CDC73: variants seen among roughly 807,000 people sequenced by gnomAD.
The protein encoded by CDC73 is parafibromin.
A neutral mutation model predicts 83.7 loss-of-function variants in CDC73; 21 were observed. That is an observed-to-expected ratio of 0.25 (90% CI 0.18 to 0.36). CDC73 has a LOEUF of 0.36. CDC73 is among the 10% of genes least tolerant of loss of function. CDC73 has a pLI of 1.00. For missense variants in CDC73, 342 were observed against 653.3 expected, an observed-to-expected ratio of 0.52 and a Z score of 5.19; for synonymous variants, 224 against 212.9, an observed-to-expected ratio of 1.05 and a Z score of -0.45.
In CDC73 at chr1:193,141,901, A is replaced by G; in HGVS notation, c.564A>G (p.Lys188=). The G allele has an allele frequency of 6.2e-7, 1 of 1,613,868 alleles. No homozygotes were observed. The highest frequency in any genetic ancestry group is 8.5e-7 in the Non-Finnish European group (1 of 1,179,822). The change falls in exon 7 of 17, where the codon AAA becomes AAG. Residue 188 remains lysine, a synonymous_variant. Transcript: ENST00000367435. ...AAAAAATTGCTGCAATCAAAGCCAA[A>G]ATTATGGCTAAGAAAAGATCTACTA... is the stretch of plus-strand genomic sequence containing the variant. The part of the protein sequence containing the change: ...SVEKIAAIKA[K]IMAKKRSTIK...
chr1:193,228,256 A>G (rs1362332574), intron 13 of CDC73, among the ~76,000 whole-genome samples: 1 of 152,220 alleles, frequency 6.6e-6, no homozygotes, highest in African/African-American at 2.4e-5. Flanking sequence ...GCACATGCAC[A>G]AAATAGTGAT....
At chr1:193,230,075 A>G (rs1448083443) in intron 13 of CDC73, among the ~76,000 whole-genome samples, 1 of 152,172 alleles carries the variant, frequency 6.6e-6, no homozygotes, top group Non-Finnish European at 1.5e-5. Flanking sequence ...AAAATACACT[A>G]AAATGAAGCA....
At chr1:193,229,423 A>T (rs966647574) in intron 13 of CDC73, among the ~76,000 whole-genome samples, 4 of 152,252 alleles carry the variant, frequency 2.6e-5, no homozygotes, top group Admixed American at 2.0e-4. Context: ...TGCCCTCACA[A>T]ATAGGATAAG....
intron 10 of CDC73, among the ~76,000 whole-genome samples, chr1:193,164,064 CCCA>C (rs1203787843): frequency 6.6e-6 from 1 of 152,196 alleles, no homozygotes; most frequent in Admixed American, 6.5e-5. Context: ...AGCCACCATG[CCCA>C]GCCCAGTATA....
intron 13 of CDC73, among the ~76,000 whole-genome samples, chr1:193,217,245 A>G (rs1677383913): frequency 1.3e-5 from 2 of 152,012 alleles, no homozygotes; most frequent in Admixed American, 6.5e-5. Context: ...CTGAAGCCCC[A>G]GTGGACGTGT....
chr1:193,184,429 C>G (rs1437271138), intron 10 of CDC73, among the ~76,000 whole-genome samples: 1 of 151,884 alleles, frequency 6.6e-6, no homozygotes, highest in African/African-American at 2.4e-5. Context: ...TAGTTCTGCA[C>G]TTTTACATTT....
chr1:193,221,561 G>A (rs1677470136), intron 13 of CDC73, among the ~76,000 whole-genome samples: 1 of 152,034 alleles, frequency 6.6e-6, no homozygotes, highest in South Asian at 2.1e-4. Context: ...TTAAAAAAAA[G>A]AAATTGTCTT....
intron 10 of CDC73, among the ~76,000 whole-genome samples, chr1:193,185,462 C>T (rs1186993198): frequency 6.6e-6 from 1 of 151,680 alleles, no homozygotes; most frequent in South Asian, 2.1e-4. Flanking sequence ...TTTGTTGATA[C>T]TCTCTTTGGT....
At chr1:193,195,770 G>GT (rs1676992644) in intron 10 of CDC73, among the ~76,000 whole-genome samples, 1 of 152,138 alleles carries the variant, frequency 6.6e-6, no homozygotes, top group Admixed American at 6.5e-5. Context: ...GATGTCTGGT[G>GT]TATTTTCATG....
At chr1:193,130,279 G>C in intron 3 of CDC73, 36 bp downstream of exon 3, 1 of 1,228,070 alleles carries the variant, frequency 8.1e-7, no homozygotes. Flanking sequence ...GTCTTAAACA[G>C]ACATTGTTTC....
At chr1:193,150,224 T>G in intron 8 of CDC73, 80 bp from the exon 9 acceptor site, 10 of 1,005,850 alleles carry the variant, frequency 9.9e-6, no homozygotes, top group Non-Finnish European at 1.6e-5. Flanking sequence ...TGAGCCATGG[T>G]CATGCTACTG....
rs1678042290 is a variant in CDC73 at position 193,251,501 on chromosome 1, G to A, written c.*789G>A. 1 of 232,052 alleles carries A rather than the reference G, an allele frequency of 4.3e-6. No homozygotes were observed. Among genetic ancestry groups the A allele is most frequent in the Non-Finnish European group, 8.5e-6 (1 of 117,028 alleles). The allele number at this position is 232,052 out of a possible 1,614,324, so 14.4% of individuals were successfully genotyped here. ...AAGAATATGTATCAGCCCTATTGCA[G>A]TATAACTTTAAGCTCCTTTTCTCTT... On this transcript the variant is annotated 3_prime_UTR_variant, in exon 17 of 17. Transcript: ENST00000367435.
intron 10 of CDC73, chr1:193,180,478 A>G: frequency 1.2e-6 from 2 of 1,614,084 alleles, no homozygotes; most frequent in African/African-American, 1.3e-5. Context: ...ATTGAACACA[A>G]ACTCATTGGG....
intron 15 of CDC73, among the ~76,000 whole-genome samples, chr1:193,248,096 C>G (rs1677983275): frequency 6.6e-6 from 1 of 152,058 alleles, no homozygotes; most frequent in Non-Finnish European, 1.5e-5. Context: ...GGCTCCAAAA[C>G]TTCAGAGGAC....
intron 15 of CDC73, among the ~76,000 whole-genome samples, chr1:193,243,132 G>T (rs1341416025): frequency 2.6e-5 from 4 of 151,994 alleles, no homozygotes; most frequent in African/African-American, 9.7e-5. Context: ...TTGTAGTAGA[G>T]ACGGGGTTTC....
chr1:193,149,458 T>G (rs1676067408), intron 8 of CDC73, among the ~76,000 whole-genome samples: 1 of 152,152 alleles, frequency 6.6e-6, no homozygotes, highest in Non-Finnish European at 1.5e-5. Context: ...GTTGACATTT[T>G]GAATAGCTGT....
Position 193,125,360 on chromosome 1 carries a change from G to A in CDC73, c.237+143G>A, listed in dbSNP as rs1410205727. On this transcript the variant is annotated intron_variant, in intron 2 of 16. Coordinates refer to ENST00000367435, the MANE Select transcript of CDC73 (RefSeq NM_024529.5). ...TGCAGCCTCGAACTCCTAGGCTCAA[G>A]TGATCTTCCCACCTCTGCCTTCAAG... 1.0e-5 allele frequency: 7 copies of A among 679,582 alleles called. No individual in the cohort carries two copies. In the East Asian group the frequency reaches 1.6e-4, roughly 16 times the overall value. The allele number at this position is 679,582 out of a possible 1,614,324, so 42.1% of individuals were successfully genotyped here.
At chr1:193,217,354 A>G (rs1396215985) in intron 13 of CDC73, among the ~76,000 whole-genome samples, 1 of 152,036 alleles carries the variant, frequency 6.6e-6, no homozygotes. Flanking sequence ...GCTCTATCGC[A>G]GAGTTTCTTG....
Position 193,250,949 on chromosome 1 carries a change from C to T in CDC73, c.*237C>T, listed in dbSNP as rs1377946245. 7.9e-6 allele frequency: 4 copies of T among 508,200 alleles called. No individual in the cohort carries two copies. The highest frequency in any genetic ancestry group is 6.8e-5 in the Admixed American group (2 of 29,594). 31.5% of individuals were successfully genotyped at this position (508,200 alleles called of 1,614,324 possible). On this transcript the variant is annotated 3_prime_UTR_variant, in exon 17 of 17. Coordinates refer to ENST00000367435, the MANE Select transcript of CDC73 (RefSeq NM_024529.5). ...GTATATTTTGATAGAAGTTTTTTCT[C>T]CATTGGTTAAATTAGCATTACTTAA...
Sources: allele counts gnomAD v4.1 joint callset (sites outside exome capture counted in the v4.1 genomes callset), GRCh38; gene constraint gnomAD v4.1.1; transcripts MANE v1.5; gene names NCBI Gene and HGNC (gene_info 2026-07-23, HGNC 2026-07-21).